Variants in DPP6 observed in about 807,000 individuals in gnomAD.
The protein encoded by DPP6 is A-type potassium channel modulatory protein DPP6.
In DPP6, 69 loss-of-function variants were observed where a neutral mutation model predicts 122.6. The ratio of observed to expected loss-of-function variants is 0.56; its 90% CI spans 0.46 to 0.69. The LOEUF is 0.69. Ranked by LOEUF, DPP6 falls within the 30% of genes least tolerant of loss-of-function variation. The probability of loss-of-function intolerance (pLI) is 0.00; values close to 1 mark genes in which losing one functional copy is unlikely to be tolerated. For synonymous variants in DPP6, 418 were observed against 433.1 expected (o/e 0.97, Z 0.43); for missense variants, 928 against 1,116.9 (o/e 0.83, Z 2.41).
intron 1 of DPP6, among the ~76,000 whole-genome samples, chr7:154,328,143 A>T (rs867139550): frequency 1.3e-5 from 2 of 152,104 alleles, no homozygotes; most frequent in Non-Finnish European, 2.9e-5. Context: ...AAAAGGGAAA[A>T]ATGGTTTGCT....
intron 22 of DPP6, 119 bp downstream of exon 22, chr7:154,885,863 A>G: frequency 7.3e-7 from 1 of 1,364,342 alleles, no homozygotes; most frequent in Non-Finnish European, 9.9e-7. Context: ...AGGTGCCTCC[A>G]GGCCACAGTC....
At chr7:154,708,097 G>A (rs1586929234) in intron 7 of DPP6, among the ~76,000 whole-genome samples, 1 of 152,224 alleles carries the variant, frequency 6.6e-6, no homozygotes, top group African/African-American at 2.4e-5. Context: ...CTCACAGATT[G>A]AATGTTGTGT....
At chr7:154,171,262 G>A (rs921645235) in intron 1 of DPP6, among the ~76,000 whole-genome samples, 2 of 152,168 alleles carry the variant, frequency 1.3e-5, no homozygotes, top group African/African-American at 4.8e-5. Flanking sequence ...CCAAATATAC[G>A]CTTCAACAAC....
intron 4 of DPP6, among the ~76,000 whole-genome samples, chr7:154,553,161 A>C (rs1055542065): frequency 3.9e-5 from 6 of 152,268 alleles, no homozygotes; most frequent in African/African-American, 1.4e-4. Flanking sequence ...CTTCAAGTCC[A>C]GGTGAATGTG....
intron 10 of DPP6, among the ~76,000 whole-genome samples, chr7:154,788,182 C>G (rs1382838716): frequency 6.6e-6 from 1 of 151,874 alleles, no homozygotes; most frequent in Non-Finnish European, 1.5e-5. Flanking sequence ...AGTGGCTCAC[C>G]CCTGTAATCC....
rs13232266 is a variant in DPP6 at position 154,889,653 on chromosome 7, A to T, written c.2451+123A>T. ...CACGCCTGTGCTGTGGTGGTCGGTG[A>T]TGAGCAAGGTCCCAGCAGGTTGGAA... On this transcript the variant is annotated intron_variant, in intron 25 of 25. Transcript: ENST00000377770. 576,752 of 1,468,106 alleles carry T rather than the reference A, an allele frequency of 0.39. 115,404 individuals carry two copies. The highest frequency in any genetic ancestry group is 0.44 in the South Asian group (32,524 of 73,794). 90.9% of individuals were successfully genotyped at this position (1,468,106 alleles called of 1,614,324 possible).
chr7:154,253,796 G>A (rs1270258473), intron 1 of DPP6, among the ~76,000 whole-genome samples: 16 of 152,222 alleles, frequency 1.1e-4, no homozygotes, highest in Admixed American at 1.0e-3. Context: ...AATTTATGAA[G>A]AAAAGAGGTT....
intron 10 of DPP6, among the ~76,000 whole-genome samples, chr7:154,790,536 C>T (rs533366182): frequency 6.6e-6 from 1 of 152,192 alleles, no homozygotes; most frequent in Non-Finnish European, 1.5e-5. Context: ...ATATTTCACA[C>T]TGTATTTCAT....
At chr7:154,157,068 A>G (rs1382744087) in intron 1 of DPP6, among the ~76,000 whole-genome samples, 3 of 152,230 alleles carry the variant, frequency 2.0e-5, no homozygotes, top group Non-Finnish European at 2.9e-5. Flanking sequence ...CTGATGTGTG[A>G]GGTTCTTTCA....
chr7:154,373,780 G>A (rs368113581), intron 1 of DPP6, among the ~76,000 whole-genome samples: 1 of 151,980 alleles, frequency 6.6e-6, no homozygotes, highest in East Asian at 1.9e-4. Context: ...TTCAACACGC[G>A]CTCCCCATTC....
At chr7:154,671,526 T>TGC (rs1838553590) in intron 7 of DPP6, among the ~76,000 whole-genome samples, 1 of 152,148 alleles carries the variant, frequency 6.6e-6, no homozygotes. Context: ...TGTCTGCACA[T>TGC]GCAAATAAAC....
intron 1 of DPP6, among the ~76,000 whole-genome samples, chr7:153,949,935 C>T (rs1367938254): frequency 6.6e-6 from 1 of 152,232 alleles, no homozygotes; most frequent in African/African-American, 2.4e-5. Context: ...GGGATCCCAG[C>T]ACTGGGTTAG....
intron 1 of DPP6, among the ~76,000 whole-genome samples, chr7:154,435,319 T>C (rs1818771781): frequency 6.6e-6 from 1 of 152,062 alleles, no homozygotes; most frequent in South Asian, 2.1e-4. Flanking sequence ...ACCAAATTCA[T>C]TGCACGTTCC....
intron 1 of DPP6, among the ~76,000 whole-genome samples, chr7:154,310,153 T>G (rs1382778909): frequency 6.6e-6 from 1 of 152,210 alleles, no homozygotes; most frequent in Non-Finnish European, 1.5e-5. Context: ...AGCTCCCTAC[T>G]GGGAACACCA....
chr7:154,879,339 G>GCA (rs1805152786), intron 20 of DPP6, among the ~76,000 whole-genome samples: 1 of 95,452 alleles, frequency 1.0e-5, no homozygotes, highest in East Asian at 9.6e-4. Flanking sequence ...CCAGCACTTT[G>GCA]GGAGGCCGAG....
intron 4 of DPP6, among the ~76,000 whole-genome samples, chr7:154,564,629 C>T (rs568655086): frequency 2.6e-5 from 4 of 152,298 alleles, no homozygotes; most frequent in African/African-American, 9.6e-5. Flanking sequence ...TCAACAAAGA[C>T]ATAGATTGGG....
intron 1 of DPP6, among the ~76,000 whole-genome samples, chr7:154,433,584 C>T (rs1818625277): frequency 6.6e-6 from 1 of 152,142 alleles, no homozygotes; most frequent in Admixed American, 6.5e-5. Context: ...TTGACGTGCA[C>T]ACCCGGGGGT....
intron 10 of DPP6, among the ~76,000 whole-genome samples, chr7:154,773,382 G>T (rs1451133876): frequency 2.0e-5 from 3 of 152,196 alleles, no homozygotes; most frequent in African/African-American, 7.2e-5. Context: ...CAGTTGGTAA[G>T]GTCGCAACCC....
intron 6 of DPP6, among the ~76,000 whole-genome samples, chr7:154,668,983 A>G (rs73494040): frequency 0.022 from 3,310 of 152,296 alleles, 102 homozygotes; most frequent in African/African-American, 0.075. Context: ...ATCTTCTAGG[A>G]GAACCAAAGA....
Sources: gnomAD v4.1 joint callset for allele counts (sites outside exome capture counted in the v4.1 genomes callset) on GRCh38, gnomAD v4.1.1 for gene constraint, MANE v1.5 for transcripts, NCBI Gene and HGNC (gene_info 2026-07-23, HGNC 2026-07-21) for gene names.